The following KIRREL3 variants were observed in gnomAD, a reference collection of about 807,000 sequenced individuals.
KIRREL3 encodes kirre like nephrin family adhesion molecule 3.
A neutral mutation model predicts 89.7 loss-of-function variants in KIRREL3; 36 were observed. The ratio of observed to expected loss-of-function variants is 0.40; its 90% confidence interval spans 0.31 to 0.53. The LOEUF (loss-of-function observed/expected upper bound fraction) is 0.53, where lower values mean the gene tolerates loss of function less well. Ranked by LOEUF, KIRREL3 falls within the 20% of genes least tolerant of loss-of-function variation. KIRREL3 has a pLI of 0.49. For synonymous variants in KIRREL3, 445 were observed against 441.4 expected (o/e 1.01, Z -0.10); for missense variants, 864 against 1,056.6 (o/e 0.82, Z 2.53).
Position 126,745,882 on chromosome 11 carries a change from T to G in KIRREL3, c.56-182970A>C, listed in dbSNP as rs1592063914. ...GCTTGGTGTTGGGCGTTTATCAATG[T>G]ACAAGTCCCTCCCTGCCTTACTCCT... is the stretch of plus-strand genomic sequence containing the variant. On this transcript the variant is annotated intron_variant, in intron 1 of 16. Coordinates refer to ENST00000525144, the MANE Select transcript of KIRREL3 (RefSeq NM_032531.4). Among the ~76,000 whole-genome samples the G allele has an allele frequency of 2.0e-5, 3 of 152,354 alleles. No homozygotes were observed. In the East Asian group the frequency reaches 5.8e-4, roughly 29 times the overall value.
chr11:126,721,520 A>C, intron 1 of KIRREL3, among the ~76,000 whole-genome samples: 1 of 105,988 alleles, frequency 9.4e-6, no homozygotes. Flanking sequence ...CAAGAGTAAA[A>C]CTCCGTCTCA....
Position 126,608,145 on chromosome 11 carries a change from A to T in KIRREL3, c.56-45233T>A, listed in dbSNP as rs1399711691. Among the ~76,000 whole-genome samples, 1 of 152,092 alleles carries T rather than the reference A, an allele frequency of 6.6e-6. No homozygotes were observed. The highest frequency in any genetic ancestry group is 1.5e-5 in the Non-Finnish European group (1 of 67,996). ...CAGGTGGAGTCTGAGCTGGGTGCCAATTCCAGGAATGCAGCTGGAGGTGGG... is the reference window on the plus strand; with the variant it reads ...CAGGTGGAGTCTGAGCTGGGTGCCATTTCCAGGAATGCAGCTGGAGGTGGG... On this transcript the variant is annotated intron_variant, in intron 1 of 16. Coordinates refer to ENST00000525144, the MANE Select transcript of KIRREL3 (RefSeq NM_032531.4). The surrounding 1 kb of genome is among the most constrained non-coding windows in gnomAD (Gnocchi z 4.9).
chr11:126,825,018 T>C (rs187840374), intron 1 of KIRREL3, among the ~76,000 whole-genome samples: 1 of 152,356 alleles, frequency 6.6e-6, no homozygotes, highest in East Asian at 1.9e-4. Flanking sequence ...GGAGACAATT[T>C]GACTGATGCA....
At chr11:126,882,110 G>A (rs1203835730) in intron 1 of KIRREL3, among the ~76,000 whole-genome samples, 4 of 152,232 alleles carry the variant, frequency 2.6e-5, no homozygotes, top group East Asian at 1.9e-4. Context: ...GAAATGAGCA[G>A]TTCAGTCCTG....
chr11:126,555,875 G>T lies in KIRREL3; in HGVS notation c.133+6960C>A, dbSNP rs1157861101. 6.6e-6 allele frequency among the ~76,000 whole-genome samples: 1 copy of T among 152,014 alleles called. No homozygotes were observed. The highest frequency in any genetic ancestry group is 2.4e-5 in the African/African-American group (1 of 41,374). ...CCTGCCTCAGCCTCCCAAGTAGTTG[G>T]GATTACAGGTGTGTGCCACCACGCC... On this transcript the variant is annotated intron_variant, in intron 2 of 16. Coordinates refer to ENST00000525144, the MANE Select transcript of KIRREL3 (RefSeq NM_032531.4). This position sits in a 1 kb window ranked among gnomAD's most constrained non-coding sequence, Gnocchi z 4.2.
chr11:126,580,764 C>T (rs1349260562), intron 1 of KIRREL3, among the ~76,000 whole-genome samples: 3 of 151,936 alleles, frequency 2.0e-5, no homozygotes, highest in Non-Finnish European at 4.4e-5. Context: ...AGAACTTGCC[C>T]TGGACTCTGT....
intron 1 of KIRREL3, among the ~76,000 whole-genome samples, chr11:126,928,548 C>T (rs141963768): frequency 6.6e-6 from 1 of 152,266 alleles, no homozygotes; most frequent in East Asian, 1.9e-4. Context: ...GAGCTGGAGG[C>T]TGAAGCCTGG....
At chr11:126,589,880 T>C (rs1466768508) in intron 1 of KIRREL3, among the ~76,000 whole-genome samples, 1 of 152,200 alleles carries the variant, frequency 6.6e-6, no homozygotes, top group Non-Finnish European at 1.5e-5. Flanking sequence ...TCTTGCCTAG[T>C]GCCCCAGCTG....
intron 5 of KIRREL3, among the ~76,000 whole-genome samples, chr11:126,465,090 C>T (rs1445588710): frequency 6.6e-6 from 1 of 152,098 alleles, no homozygotes; most frequent in Non-Finnish European, 1.5e-5. Flanking sequence ...TGGGGGTGCA[C>T]TTCCAGGTTG....
In KIRREL3 at chr11:126,520,633, G is replaced by A. The variant is rs1268597151; in HGVS notation, c.433+682C>T. On this transcript the variant is annotated intron_variant, in intron 4 of 16. Coordinates refer to ENST00000525144, the MANE Select transcript of KIRREL3 (RefSeq NM_032531.4). The surrounding 1 kb of genome is among the most constrained non-coding windows in gnomAD (Gnocchi z 4.9). ...ACTGAACTCTAAATCAGAACTAGGC[G>A]GTTTAAGAGGTCACCGAGCCCATTC... Among the ~76,000 whole-genome samples the A allele has an allele frequency of 1.3e-5, 2 of 152,168 alleles. No homozygotes were observed. Among genetic ancestry groups the A allele is most frequent in the Admixed American group, 6.5e-5 (1 of 15,270 alleles).
intron 1 of KIRREL3, among the ~76,000 whole-genome samples, chr11:126,681,285 C>T (rs1946441589): frequency 6.6e-6 from 1 of 152,198 alleles, no homozygotes; most frequent in South Asian, 2.1e-4. Context: ...TCCCTTCATA[C>T]CTCCAGGTTA....
chr11:126,675,110 G>A (rs1173438311), intron 1 of KIRREL3, among the ~76,000 whole-genome samples: 3 of 152,172 alleles, frequency 2.0e-5, no homozygotes, highest in African/African-American at 7.2e-5. Context: ...CGATGCTGGG[G>A]AGAATGATGT....
At chr11:126,680,530 G>A (rs1012611979) in intron 1 of KIRREL3, among the ~76,000 whole-genome samples, 3 of 152,186 alleles carry the variant, frequency 2.0e-5, no homozygotes, top group Admixed American at 2.0e-4. Context: ...TCCCTCTTAT[G>A]CCCTTTAGGG....
At position 126,557,792 on chromosome 11, in the gene KIRREL3, G is replaced by A. The variant is rs1195435031; in HGVS notation, c.133+5043C>T. The stretch of plus-strand genomic sequence containing the variant: ...TGAGGACAGGTGCTGTGGGGGAGGG[G>A]CATTTGCACACAGAGCCTGGACTGG... On this transcript the variant is annotated intron_variant, in intron 2 of 16. Transcript: ENST00000525144. The surrounding 1 kb of genome is among the most constrained non-coding windows in gnomAD (Gnocchi z 5.6). Among the ~76,000 whole-genome samples the A allele has an allele frequency of 2.6e-5, 4 of 152,304 alleles. No individual in the cohort carries two copies. In the East Asian group the frequency reaches 7.7e-4, roughly 29 times the overall value.
rs995908079 is a variant in KIRREL3 at position 126,983,245 on chromosome 11, CG to C, written c.55+17209del. Among the ~76,000 whole-genome samples, 1 of 151,882 alleles carries C rather than the reference CG, an allele frequency of 6.6e-6. No homozygotes were observed. The highest frequency in any genetic ancestry group is 2.4e-5 in the African/African-American group (1 of 41,338). ...ATTTGATAATCCCAATAGATACACACGGGGGAAGGTCATTTTCTCTAACTTA... is the reference window on the plus strand; with the variant it reads ...ATTTGATAATCCCAATAGATACACACGGGGAAGGTCATTTTCTCTAACTTA... On this transcript the variant is annotated intron_variant, in intron 1 of 16. Transcript: ENST00000525144. This position sits in a 1 kb window ranked among gnomAD's most constrained non-coding sequence, Gnocchi z 4.9.
Position 126,463,274 on chromosome 11 carries a change from C to T in KIRREL3, c.625G>A (p.Val209Ile), listed in dbSNP as rs751373843. The change falls in exon 6 of 17, where the codon GTC (valine) becomes ATC (isoleucine). Residue 209 changes from valine to isoleucine, a missense_variant. Val to Ile is a conservative substitution (Grantham distance 29). Transcript: ENST00000525144. The surrounding 1 kb of genome is among the most constrained non-coding windows in gnomAD (Gnocchi z 5.9). ...CCAGGGGAGATGAAGAGGGTGCTGA[C>T]GATGCTCTCCCGCTTGCCGTCCCGA... ...LLRDGKRESI[V>I]STLFISPGDV... 5.2e-5 allele frequency: 84 copies of T among 1,613,584 alleles called. No homozygotes were observed. Among genetic ancestry groups the T allele is most frequent in the East Asian group, 8.9e-5 (4 of 44,870 alleles).
Position 126,521,484 on chromosome 11 carries a change from G to T in KIRREL3, c.284-20C>A. 6.4e-7 allele frequency: 1 copy of T among 1,572,962 alleles called. No homozygotes were observed. On this transcript the variant is annotated intron_variant, in intron 3 of 16. Coordinates refer to ENST00000525144, the MANE Select transcript of KIRREL3 (RefSeq NM_032531.4). This position sits in a 1 kb window ranked among gnomAD's most constrained non-coding sequence, Gnocchi z 4.1. ...GGTAACCTGTGGAGACAACAGGCAG[G>T]TCAGGGAGCTGGGGTGGGGTGGAGG...
At chr11:126,721,321 G>A (rs1437898352) in intron 1 of KIRREL3, among the ~76,000 whole-genome samples, 2 of 151,934 alleles carry the variant, frequency 1.3e-5, no homozygotes, top group South Asian at 2.1e-4. Context: ...ATCTGAGGTC[G>A]GGAGTTCGAG....
At chr11:126,494,946 G>C (rs146747930) in intron 4 of KIRREL3, among the ~76,000 whole-genome samples, 6 of 152,378 alleles carry the variant, frequency 3.9e-5, no homozygotes, top group African/African-American at 1.4e-4. Flanking sequence ...TGCGGGTGGC[G>C]TGGGACGGGG....
Sources: gnomAD v4.1 joint callset for allele counts (sites outside exome capture counted in the v4.1 genomes callset) on GRCh38, gnomAD v4.1.1 for gene constraint, Gnocchi (gnomAD v3.1) non-coding constraint, MANE v1.5 for transcripts, NCBI Gene and HGNC (gene_info 2026-07-23, HGNC 2026-07-21) for gene names.